Variants in MLIP observed in about 807,000 individuals in gnomAD.
The protein encoded by MLIP is muscular LMNA interacting protein.
In MLIP, 79 loss-of-function variants were observed where a neutral mutation model predicts 84.8. The observed-to-expected ratio is 0.93, with a 90% CI of 0.78 to 1.12. The LOEUF (loss-of-function observed/expected upper bound fraction) is 1.12. Among genes scored for constraint, MLIP ranks in the 50% most tolerant of loss-of-function variants. MLIP has a pLI of 0.00. For synonymous variants in MLIP, 504 were observed against 463.0 expected (o/e 1.09, Z -1.14); for missense variants, 1,257 against 1,160.6 (o/e 1.08, Z -1.21).
chr6:54,221,550 A>T (rs1476997294), intron 11 of MLIP, among the ~76,000 whole-genome samples: 1 of 75,088 alleles, frequency 1.3e-5, no homozygotes, highest in Non-Finnish European at 4.3e-5. Flanking sequence ...ACCCCCTTAT[A>T]ATGCTAAAAG....
chr6:54,255,834 G>A (rs1582646393), intron 12 of MLIP, among the ~76,000 whole-genome samples: 1 of 152,136 alleles, frequency 6.6e-6, no homozygotes, highest in Non-Finnish European at 1.5e-5. Flanking sequence ...AGATTAGAAG[G>A]TTGGACGTTT....
intron 12 of MLIP, among the ~76,000 whole-genome samples, chr6:54,249,629 G>A (rs1782319227): frequency 6.6e-6 from 1 of 151,560 alleles, no homozygotes; most frequent in East Asian, 1.9e-4. Context: ...CTAGTGTTTG[G>A]TGCACAACTG....
intron 12 of MLIP, among the ~76,000 whole-genome samples, chr6:54,251,844 T>G (rs868566303): frequency 0.017 from 1,278 of 75,596 alleles, 81 homozygotes; most frequent in African/African-American, 0.069. Context: ...TATTATAACA[T>G]ATAATATATA....
At chr6:54,261,765 G>A (rs1244200484) in intron 13 of MLIP, 1 of 982,874 alleles carries the variant, frequency 1.0e-6, no homozygotes, top group Non-Finnish European at 1.2e-6. Flanking sequence ...TCATTTTCTG[G>A]TTTGATTCAA....
chr6:54,119,896 A>G (rs1770286269), intron 1 of MLIP, among the ~76,000 whole-genome samples: 1 of 152,124 alleles, frequency 6.6e-6, no homozygotes. Context: ...GAGCTCTTCT[A>G]CATCTTAGTC....
chr6:54,061,265 A>G (rs1717043962), intron 1 of MLIP, among the ~76,000 whole-genome samples: 2 of 152,166 alleles, frequency 1.3e-5, no homozygotes, highest in Non-Finnish European at 2.9e-5. Context: ...GAGATGGCCA[A>G]GTTAACTGAG....
Position 54,160,417 on chromosome 6 carries a change from A to G in MLIP, c.2340A>G (p.Leu780=), listed in dbSNP as rs749201502. 3.0e-5 allele frequency: 49 copies of G among 1,612,374 alleles called. No individual in the cohort carries two copies. In the Admixed American group the frequency reaches 8.2e-4, roughly 27 times the overall value. Residue 780 remains leucine, a synonymous_variant, in exon 6 of 14, where the codon TTA becomes TTG. Transcript: ENST00000502396. ...AAAGTGTCTCCAAGGACAACACATT[A>G]GAACCACCAGTGGAGGTAATAACTT... is the stretch of plus-strand genomic sequence containing the variant. ...KTESVSKDNT[L]EPPVELYFPA... is the part of the protein sequence containing the mutation.
chr6:54,066,681 A>G (rs1290001287), intron 1 of MLIP, among the ~76,000 whole-genome samples: 1 of 100,306 alleles, frequency 1.0e-5, no homozygotes, highest in African/African-American at 2.6e-5. Flanking sequence ...GCATTATATT[A>G]TAATGAGAAA....
At chr6:54,208,684 C>CAA (rs1326137706) in intron 11 of MLIP, among the ~76,000 whole-genome samples, 2 of 152,184 alleles carry the variant, frequency 1.3e-5, no homozygotes, top group African/African-American at 4.8e-5. Context: ...AATTTTGAGA[C>CAA]AAGATTAGCC....
chr6:54,026,716 TGTGTGTGTG>T (rs1561874212), intron 1 of MLIP, among the ~76,000 whole-genome samples: 7 of 66,218 alleles, frequency 1.1e-4, no homozygotes, highest in African/African-American at 4.0e-4. Context: ...GTGTCTTCAG[TGTGTGTGTG>T]TGTGTGTGTG....
intron 9 of MLIP, among the ~76,000 whole-genome samples, chr6:54,189,591 GC>G (rs1777719720): frequency 6.6e-6 from 1 of 152,064 alleles, no homozygotes; most frequent in African/African-American, 2.4e-5. Flanking sequence ...ATGATATAAT[GC>G]TTATGTTAAG....
At chr6:54,257,183 G>T in intron 12 of MLIP, 125 bp from the exon 13 acceptor site, 1 of 677,042 alleles carries the variant, frequency 1.5e-6, no homozygotes, top group Non-Finnish European at 2.6e-6. Flanking sequence ...TTTATACTTG[G>T]TAGAATCCAC....
intron 1 of MLIP, among the ~76,000 whole-genome samples, chr6:54,022,800 T>C (rs1478357203): frequency 6.6e-6 from 1 of 152,188 alleles, no homozygotes; most frequent in Non-Finnish European, 1.5e-5. Flanking sequence ...TTTAATAATT[T>C]CTATTGTATT....
chr6:54,216,643 A>T, intron 11 of MLIP: 1 of 973,736 alleles, frequency 1.0e-6, no homozygotes, highest in Non-Finnish European at 1.2e-6. Flanking sequence ...AGCTAAGCAT[A>T]TGCTAAATTT....
At chr6:54,149,582 A>G (rs1055975867) in intron 5 of MLIP, among the ~76,000 whole-genome samples, 6 of 152,084 alleles carry the variant, frequency 3.9e-5, no homozygotes, top group African/African-American at 1.4e-4. Context: ...ATTGTACTAT[A>G]CTGATACTCA....
At position 54,118,816 on chromosome 6, in the gene MLIP, C is replaced by G. The variant is rs1278225138; in HGVS notation, c.97-2631C>G. On this transcript the variant is annotated intron_variant, in intron 1 of 13. Coordinates refer to ENST00000502396, the MANE Select transcript of MLIP (RefSeq NM_001281747.2). Reference sequence around the variant, plus strand: ...AATATTAAAAAAACCTCAAACAACTCAATAGCAAGACAACAATCCAATTAA... The same window carrying G: ...AATATTAAAAAAACCTCAAACAACTGAATAGCAAGACAACAATCCAATTAA... Among the ~76,000 whole-genome samples, 5 of 152,030 alleles carry G rather than the reference C, an allele frequency of 3.3e-5. No individual in the cohort carries two copies. In the East Asian group the frequency reaches 9.6e-4, roughly 29 times the overall value.
chr6:54,210,068 A>C (rs578150480), intron 11 of MLIP, among the ~76,000 whole-genome samples: 1 of 152,188 alleles, frequency 6.6e-6, no homozygotes, highest in East Asian at 1.9e-4. Flanking sequence ...TGTCAGGAAG[A>C]AATTAATTTA....
chr6:54,164,163 T>G (rs1399834461), intron 8 of MLIP, among the ~76,000 whole-genome samples: 2 of 151,944 alleles, frequency 1.3e-5, no homozygotes, highest in African/African-American at 2.4e-5. Flanking sequence ...TGTTACCTTC[T>G]ATGACCTTTC....
At chr6:54,141,989 T>C (rs2150500062) in intron 4 of MLIP, among the ~76,000 whole-genome samples, 1 of 152,352 alleles carries the variant, frequency 6.6e-6, no homozygotes, top group East Asian at 1.9e-4. Flanking sequence ...AAAGTCTCCT[T>C]CCTTTAAGAC....
Sources: gnomAD v4.1 joint callset for allele counts (sites outside exome capture counted in the v4.1 genomes callset) on GRCh38, gnomAD v4.1.1 for gene constraint, MANE v1.5 for transcripts, NCBI Gene and HGNC (gene_info 2026-07-23, HGNC 2026-07-21) for gene names.